JAK2: variants seen among roughly 807,000 people sequenced by gnomAD.
JAK2 encodes Janus kinase 2, also known as tyrosine-protein kinase JAK2.
A neutral mutation model predicts 139.3 loss-of-function variants in JAK2; 86 were observed. That is an observed-to-expected ratio of 0.62 (90% CI 0.52 to 0.74). The LOEUF is 0.74. Among genes scored for constraint, JAK2 ranks in the 30% least tolerant of loss-of-function variants. The pLI is 0.00. For missense variants in JAK2, 1,421 were observed against 1,360.3 expected (o/e 1.04, Z -0.70); for synonymous variants, 490 against 437.7 (o/e 1.12, Z -1.49).
chr9:5,019,214 A>T (rs769005388), intron 2 of JAK2, among the ~76,000 whole-genome samples: 1 of 152,136 alleles, frequency 6.6e-6, no homozygotes, highest in Non-Finnish European at 1.5e-5. Flanking sequence ...GCTTTATGGT[A>T]TCCCATATGT....
intron 22 of JAK2, among the ~76,000 whole-genome samples, chr9:5,115,157 T>A (rs1220228308): frequency 2.0e-5 from 3 of 152,066 alleles, no homozygotes; most frequent in Non-Finnish European, 4.4e-5. Context: ...TTTTTTGCAA[T>A]CTAGCCACCT....
intron 3 of JAK2, among the ~76,000 whole-genome samples, chr9:5,025,743 G>A (rs1822743430): frequency 6.6e-6 from 1 of 152,082 alleles, no homozygotes; most frequent in South Asian, 2.1e-4. Flanking sequence ...TGTTGGCCAA[G>A]CTTATCTCAA....
In JAK2 at chr9:5,128,172, T is replaced by C. The variant is rs536857405; in HGVS notation, c.*1381T>C. The C allele has an allele frequency of 2.6e-5, 6 of 232,100 alleles. No individual in the cohort carries two copies. Among genetic ancestry groups the C allele is most frequent in the Non-Finnish European group, 4.3e-5 (5 of 117,400 alleles). The allele number at this position is 232,100 out of a possible 1,614,324, so 14.4% of individuals were successfully genotyped here. On this transcript the variant is annotated 3_prime_UTR_variant, in exon 25 of 25. Transcript: ENST00000381652. ...GCTGTTTTGATTAAAAAGAAAATAG[T>C]TTCTTACTTTATTTTTACTGGTATG...
intron 22 of JAK2, among the ~76,000 whole-genome samples, chr9:5,101,176 C>T (rs567271935): frequency 6.6e-6 from 1 of 152,302 alleles, no homozygotes; most frequent in East Asian, 1.9e-4. Context: ...ACACTTTTGC[C>T]CAAATACTGT....
intron 23 of JAK2, among the ~76,000 whole-genome samples, chr9:5,123,405 G>A (rs756760324): frequency 2.0e-5 from 3 of 151,876 alleles, no homozygotes; most frequent in African/African-American, 7.2e-5. Flanking sequence ...TGAAAACGTG[G>A]TATTTGTCTT....
chr9:4,991,947 A>G (rs558481285), intron 2 of JAK2, among the ~76,000 whole-genome samples: 1 of 152,092 alleles, frequency 6.6e-6, no homozygotes, highest in Non-Finnish European at 1.5e-5. Context: ...TCTGATTGCT[A>G]TTGCTGTGTA....
In JAK2 at chr9:5,024,727, A is replaced by T. The variant is rs994935726; in HGVS notation, c.226+2514A>T. Among the ~76,000 whole-genome samples the T allele has an allele frequency of 3.3e-5, 5 of 152,236 alleles. No individual in the cohort carries two copies. In the South Asian group the frequency reaches 1.0e-3, roughly 32 times the overall value. On this transcript the variant is annotated intron_variant, in intron 3 of 24. Transcript: ENST00000381652. ...AGCTTGTTCATTTGCAATGTTTTCA[A>T]TGAATATCTTCTGTGAAGCTGCTTT... is the stretch of plus-strand genomic sequence containing the variant.
chr9:5,087,997 AAC>A (rs1377033642), intron 19 of JAK2, among the ~76,000 whole-genome samples: 3 of 152,236 alleles, frequency 2.0e-5, no homozygotes, highest in Non-Finnish European at 4.4e-5. Context: ...AAATTTTATG[AAC>A]ACATTGTTAA....
Position 5,129,425 on chromosome 9 carries a change from A to C in JAK2, c.*2634A>C, listed in dbSNP as rs1824202164. ...TGCTGTCAACCACTGTATTGTCTTT[A>C]ATGAACACTGTTGTATCCCATCCTA... On this transcript the variant is annotated 3_prime_UTR_variant, in exon 25 of 25. Coordinates refer to ENST00000381652, the MANE Select transcript of JAK2 (RefSeq NM_004972.4). 1.3e-5 allele frequency among the ~76,000 whole-genome samples: 2 copies of C among 152,136 alleles called. No individual in the cohort carries two copies. The highest frequency in any genetic ancestry group is 1.5e-5 in the Non-Finnish European group (1 of 67,966).
intron 7 of JAK2, among the ~76,000 whole-genome samples, chr9:5,055,336 G>C (rs184082092): frequency 2.0e-5 from 3 of 152,088 alleles, no homozygotes; most frequent in Admixed American, 2.0e-4. Flanking sequence ...TGTTACTAGA[G>C]ATTTAGAGGG....
At chr9:5,087,433 T>C (rs550983052) in intron 19 of JAK2, among the ~76,000 whole-genome samples, 4 of 152,228 alleles carry the variant, frequency 2.6e-5, no homozygotes, top group South Asian at 4.1e-4. Flanking sequence ...GGGTTTACAA[T>C]TCAAGATGAG....
At chr9:5,098,275 G>C (rs1161857882) in intron 22 of JAK2, 1 of 152,120 alleles carries the variant, frequency 6.6e-6, no homozygotes, top group South Asian at 2.1e-4. Flanking sequence ...TTCTCGATAA[G>C]ATATTAGCAA....
At chr9:5,061,625 T>C (rs1477800732) in intron 8 of JAK2, among the ~76,000 whole-genome samples, 3 of 152,246 alleles carry the variant, frequency 2.0e-5, no homozygotes, top group Non-Finnish European at 4.4e-5. Context: ...GGGAATGTTA[T>C]GGCTGGTTTG....
chr9:5,013,817 A>G (rs902814957), intron 2 of JAK2, among the ~76,000 whole-genome samples: 1 of 152,194 alleles, frequency 6.6e-6, no homozygotes, highest in Non-Finnish European at 1.5e-5. Context: ...GTAATTTACT[A>G]TAAATCATAG....
chr9:5,046,653 C>G lies in JAK2; in HGVS notation c.468+2133C>G, dbSNP rs76734125. Among the ~76,000 whole-genome samples, 631 of 152,278 alleles carry G rather than the reference C, an allele frequency of 4.1e-3. 7 individuals carry two copies. The highest frequency in any genetic ancestry group is 0.015 in the African/African-American group (608 of 41,562). ...CTAGCACCATTTGTTGAAAGACTGTCTTTTCTCCATTGAATGGTCTTGGCA... is the reference window on the plus strand; with the variant it reads ...CTAGCACCATTTGTTGAAAGACTGTGTTTTCTCCATTGAATGGTCTTGGCA... On this transcript the variant is annotated intron_variant, in intron 5 of 24. Coordinates refer to ENST00000381652, the MANE Select transcript of JAK2 (RefSeq NM_004972.4).
At chr9:5,093,489 A>G (rs1820742280) in intron 22 of JAK2, among the ~76,000 whole-genome samples, 1 of 152,174 alleles carries the variant, frequency 6.6e-6, no homozygotes, top group Non-Finnish European at 1.5e-5. Context: ...AATCTGACCT[A>G]TTGGTGAAGA....
At chr9:5,112,245 A>G in intron 22 of JAK2, 1 of 259,840 alleles carries the variant, frequency 3.8e-6, no homozygotes. Context: ...GTTGGAGGCG[A>G]ACACCCTGAG....
rs116322128 is a variant in JAK2 at position 5,080,000 on chromosome 9, A to T, written c.2132-229A>T. Among the ~76,000 whole-genome samples, 993 of 152,252 alleles carry T rather than the reference A, an allele frequency of 6.5e-3. 6 individuals are homozygous for T. The highest frequency in any genetic ancestry group is 0.022 in the African/African-American group (913 of 41,540). On this transcript the variant is annotated intron_variant, in intron 16 of 24. Transcript: ENST00000381652. Reference sequence around the variant, plus strand: ...GGCTTTGGGCAGATTACTCAATCATATGTCTCCATGTTGTCATTGTTAAAG... The same window carrying T: ...GGCTTTGGGCAGATTACTCAATCATTTGTCTCCATGTTGTCATTGTTAAAG...
rs892625747 is a variant in JAK2, at chr9:5,127,517, A to G, written c.*726A>G. On this transcript the variant is annotated 3_prime_UTR_variant, in exon 25 of 25. Transcript: ENST00000381652. The stretch of plus-strand genomic sequence containing the variant: ...AAACAAGCTTACAAAGATATAATCT[A>G]TTTTATTATGGTTTCCCTTGTATCT... 4.3e-6 allele frequency: 1 copy of G among 231,058 alleles called. No homozygotes were observed. The highest frequency in any genetic ancestry group is 8.6e-6 in the Non-Finnish European group (1 of 116,416). The allele number at this position is 231,058 out of a possible 1,614,324, so 14.3% of individuals were successfully genotyped here. A position where few individuals can be genotyped will look rare whatever the true frequency, so the allele number is the denominator to read the frequency against.
Sources: gnomAD v4.1 joint callset for allele counts (sites outside exome capture counted in the v4.1 genomes callset) on GRCh38, gnomAD v4.1.1 for gene constraint, MANE v1.5 for transcripts, NCBI Gene and HGNC (gene_info 2026-07-23, HGNC 2026-07-21) for gene names.